Variants in CLINT1 observed in about 807,000 individuals in gnomAD.
The protein encoded by CLINT1 is clathrin interactor 1, also known as clathrin interacting protein localized in the trans-Golgi region.
A neutral mutation model predicts 70.4 loss-of-function variants in CLINT1; 15 were observed. The observed-to-expected ratio is 0.21, with a 90% CI of 0.14 to 0.33. The LOEUF (loss-of-function observed/expected upper bound fraction) is 0.33, where lower values mean the gene tolerates loss of function less well. Ranked by LOEUF, CLINT1 falls within the 10% of genes least tolerant of loss-of-function variation. CLINT1 has a pLI of 1.00. For missense variants in CLINT1, 615 were observed against 778.1 expected, an observed-to-expected ratio of 0.79 and a Z score of 2.49; for synonymous variants, 227 against 254.7, an observed-to-expected ratio of 0.89 and a Z score of 1.04.
intron 1 of CLINT1, among the ~76,000 whole-genome samples, chr5:157,849,239 C>T (rs971135306): frequency 1.3e-5 from 2 of 152,172 alleles, no homozygotes; most frequent in African/African-American, 4.8e-5. Context: ...CACAGCCACC[C>T]CAAACTTCAG....
At chr5:157,838,304 G>A (rs1307054136) in intron 1 of CLINT1, among the ~76,000 whole-genome samples, 1 of 151,938 alleles carries the variant, frequency 6.6e-6, no homozygotes, top group Non-Finnish European at 1.5e-5. Context: ...TGTATTTTTA[G>A]TAAAGTCTGG....
At chr5:157,843,852 C>T (rs181899) in intron 1 of CLINT1, among the ~76,000 whole-genome samples, 26,117 of 152,118 alleles carry the variant, frequency 0.17, 3,181 homozygotes, top group East Asian at 0.58. Context: ...GTGAAAATTA[C>T]GTCTTTGCAG....
At chr5:157,800,925 T>C (rs1762192952) in intron 8 of CLINT1, among the ~76,000 whole-genome samples, 1 of 152,202 alleles carries the variant, frequency 6.6e-6, no homozygotes, top group Non-Finnish European at 1.5e-5. Flanking sequence ...GATTGCTCCA[T>C]TAAAACTTTT....
intron 1 of CLINT1, among the ~76,000 whole-genome samples, chr5:157,832,192 A>G (rs1763269029): frequency 6.6e-6 from 1 of 151,498 alleles, no homozygotes; most frequent in South Asian, 2.1e-4. Context: ...CATGTTGGCC[A>G]GGATGGTCTT....
intron 8 of CLINT1, among the ~76,000 whole-genome samples, chr5:157,803,133 C>T (rs1029356940): frequency 1.3e-5 from 2 of 152,142 alleles, no homozygotes; most frequent in Admixed American, 1.3e-4. Context: ...CAGTAAAATG[C>T]GCAGAGCAGT....
At chr5:157,801,961 C>T (rs1431511150) in intron 8 of CLINT1, among the ~76,000 whole-genome samples, 2 of 151,356 alleles carry the variant, frequency 1.3e-5, no homozygotes, top group Non-Finnish European at 2.9e-5. Context: ...GTGGCATGAT[C>T]TCAGCTCATT....
chr5:157,795,155 ACT>A (rs144320619), intron 8 of CLINT1, 183 bp from the exon 9 acceptor site: 9,691 of 594,924 alleles, frequency 0.016, 120 homozygotes, highest in Non-Finnish European at 0.022. Context: ...GCTACCATAG[ACT>A]CTTTTCCCTT....
chr5:157,805,063 TA>T (rs1397324003), intron 7 of CLINT1, among the ~76,000 whole-genome samples: 1 of 152,204 alleles, frequency 6.6e-6, no homozygotes, highest in African/African-American at 2.4e-5. Flanking sequence ...TCTCTATTAT[TA>T]AAAAAATTAT....
intron 7 of CLINT1, among the ~76,000 whole-genome samples, chr5:157,804,590 A>AT (rs1237513846): frequency 3.9e-4 from 60 of 151,972 alleles, no homozygotes; most frequent in Middle Eastern, 3.4e-3. Context: ...CCTTCTAGAC[A>AT]TTTTTTTTGA....
intron 9 of CLINT1, among the ~76,000 whole-genome samples, chr5:157,792,524 G>A (rs1045628262): frequency 6.6e-6 from 1 of 152,086 alleles, no homozygotes; most frequent in African/African-American, 2.4e-5. Flanking sequence ...CTCCAGCCTG[G>A]GTGACAGAGC....
chr5:157,836,981 T>C (rs1349262326), intron 1 of CLINT1, among the ~76,000 whole-genome samples: 2 of 152,228 alleles, frequency 1.3e-5, no homozygotes, highest in African/African-American at 2.4e-5. Context: ...GATCAATAAA[T>C]ACTCATTATA....
At chr5:157,797,179 G>C (rs374383405) in intron 8 of CLINT1, among the ~76,000 whole-genome samples, 1 of 152,108 alleles carries the variant, frequency 6.6e-6, no homozygotes, top group Non-Finnish European at 1.5e-5. Flanking sequence ...CTTAATATTC[G>C]TAAGTTTGTT....
At chr5:157,793,313 G>A (rs1203019008) in intron 9 of CLINT1, among the ~76,000 whole-genome samples, 4 of 151,548 alleles carry the variant, frequency 2.6e-5, no homozygotes, top group Non-Finnish European at 5.9e-5. Context: ...AAACTTTTAT[G>A]CTGATTTTCT....
rs537792984 is a variant in CLINT1, at chr5:157,829,418, G to T, written c.42-11871C>A. On this transcript the variant is annotated intron_variant, in intron 1 of 11. Coordinates refer to ENST00000411809, the MANE Select transcript of CLINT1 (RefSeq NM_014666.4). ...TATAATAGGTGCTATGTCAAAAAAG[G>T]GTTCCAGGGAAGGTCTGAAAAATGT... Among the ~76,000 whole-genome samples, 21 of 152,250 alleles carry T rather than the reference G, an allele frequency of 1.4e-4. 1 individual carries two copies. The South Asian group carries it at 4.1e-3, about 30-fold the overall frequency.
At chr5:157,852,734 A>G (rs1279132952) in intron 1 of CLINT1, among the ~76,000 whole-genome samples, 1 of 152,230 alleles carries the variant, frequency 6.6e-6, no homozygotes, top group Admixed American at 6.5e-5. Flanking sequence ...CTCACCTCTG[A>G]ACCACTAGCT....
At chr5:157,830,792 C>CTATATATATATATATA (rs1401102671) in intron 1 of CLINT1, among the ~76,000 whole-genome samples, 1 of 116,454 alleles carries the variant, frequency 8.6e-6, no homozygotes, top group African/African-American at 3.5e-5. Context: ...CTCTCTCTCT[C>CTATATATATATATATA]TCTCTATATA....
intron 8 of CLINT1, among the ~76,000 whole-genome samples, chr5:157,802,542 C>CT (rs199598702): frequency 0.017 from 2,265 of 137,248 alleles, 35 homozygotes; most frequent in East Asian, 0.08. Context: ...GTAGCCCTCT[C>CT]TTTTTTTTTT....
intron 1 of CLINT1, among the ~76,000 whole-genome samples, chr5:157,841,867 C>A (rs1234531685): frequency 6.6e-6 from 1 of 152,108 alleles, no homozygotes; most frequent in African/African-American, 2.4e-5. Context: ...CTGGGCTCAA[C>A]AAATCCTCCC....
chr5:157,790,845 CT>C (rs1310734692), intron 10 of CLINT1, among the ~76,000 whole-genome samples: 7 of 152,040 alleles, frequency 4.6e-5, no homozygotes. Flanking sequence ...GGTTGTTTTT[CT>C]TTATGAAAAT....
Sources: gnomAD v4.1 joint callset for allele counts (sites outside exome capture counted in the v4.1 genomes callset) on GRCh38, gnomAD v4.1.1 for gene constraint, MANE v1.5 for transcripts, NCBI Gene and HGNC (gene_info 2026-07-23, HGNC 2026-07-21) for gene names.